The following MYSM1 variants were observed in gnomAD, a reference collection of about 807,000 sequenced individuals.
MYSM1 encodes Myb like, SWIRM and MPN domains 1.
In MYSM1, 51 loss-of-function variants were observed where a neutral mutation model predicts 116.0. The ratio of observed to expected loss-of-function variants is 0.44; its 90% CI spans 0.35 to 0.56. The LOEUF is 0.56. Ranked by LOEUF, MYSM1 falls within the 20% of genes least tolerant of loss-of-function variation. The pLI is 0.00. For synonymous variants in MYSM1, 313 were observed against 315.2 expected (o/e 0.99, Z 0.07); for missense variants, 900 against 974.9 (o/e 0.92, Z 1.02).
chr1:58,693,242 G>A (rs890383813), intron 2 of MYSM1, among the ~76,000 whole-genome samples: 1 of 152,100 alleles, frequency 6.6e-6, no homozygotes, highest in Non-Finnish European at 1.5e-5. Flanking sequence ...TCATTTGTTA[G>A]GCATCAGACA....
intron 17 of MYSM1, among the ~76,000 whole-genome samples, chr1:58,662,704 A>G (rs867057842): frequency 1.3e-5 from 2 of 152,162 alleles, no homozygotes; most frequent in African/African-American, 4.8e-5. Context: ...ACAATGAAAT[A>G]AAGCATAGCT....
intron 17 of MYSM1, among the ~76,000 whole-genome samples, chr1:58,662,190 T>C (rs1644402516): frequency 6.6e-6 from 1 of 152,010 alleles, no homozygotes; most frequent in Non-Finnish European, 1.5e-5. Context: ...GTTGTTATAC[T>C]AAACTCTGGA....
rs76898383 is a variant in MYSM1, at chr1:58,676,765, C to G, written c.1390+161G>C. 3.1e-4 allele frequency: 188 copies of G among 608,818 alleles called. 1 individual carries two copies. In the East Asian group the frequency reaches 7.0e-3, roughly 23 times the overall value. The allele number at this position is 608,818 out of a possible 1,614,324, so 37.7% of individuals were successfully genotyped here. A position where few individuals can be genotyped will look rare whatever the true frequency, so the allele number is the denominator to read the frequency against. ...TAGGTCAAATGAAAACACAGTTTAA[C>G]CAACAGTAAAATCTTAATAAAACAT... On this transcript the variant is annotated intron_variant, in intron 9 of 19. Coordinates refer to ENST00000472487, the MANE Select transcript of MYSM1 (RefSeq NM_001085487.3).
At chr1:58,695,345 T>G (rs1644959424) in intron 1 of MYSM1, 138 bp from the exon 2 acceptor site, 1 of 541,192 alleles carries the variant, frequency 1.8e-6, no homozygotes, top group Non-Finnish European at 3.3e-6. Flanking sequence ...CAAACAGATT[T>G]AACATTGTGG....
At position 58,668,973 on chromosome 1, in the gene MYSM1, A is replaced by G. The variant is rs572667361; in HGVS notation, c.1716+11T>C. On this transcript the variant is annotated intron_variant, in intron 13 of 19. Transcript: ENST00000472487. ...ATTGTCTACTGTCATTCATTAATGC[A>G]TAAATAGTACCTGCTTTTCTTCACT... 1.4e-5 allele frequency: 23 copies of G among 1,594,702 alleles called. No individual in the cohort carries two copies. In the Admixed American group the frequency reaches 2.3e-4, roughly 16 times the overall value.
At chr1:58,695,514 T>C (rs1448708240) in intron 1 of MYSM1, among the ~76,000 whole-genome samples, 4 of 152,182 alleles carry the variant, frequency 2.6e-5, no homozygotes, top group South Asian at 2.1e-4. Flanking sequence ...AATCACAACA[T>C]GCTCTGTGAC....
At position 58,655,135 on chromosome 1, in the gene MYSM1, C is replaced by A. The variant is rs1008801591; in HGVS notation, c.*4862G>T. 1.4e-4 allele frequency: 21 copies of A among 152,144 alleles called. No individual in the cohort carries two copies. The highest frequency in any genetic ancestry group is 1.9e-4 in the Non-Finnish European group (13 of 68,010). The allele number at this position is 152,144 out of a possible 1,614,324, so 9.4% of individuals were successfully genotyped here. A position where few individuals can be genotyped will look rare whatever the true frequency, so the allele number is the denominator to read the frequency against. On this transcript the variant is annotated 3_prime_UTR_variant, in exon 20 of 20. Coordinates refer to ENST00000472487, the MANE Select transcript of MYSM1 (RefSeq NM_001085487.3). ...ACAACACATAATTTACATGTCAAAT[C>A]CACAAATCTAAAAGATATATGACTA...
At position 58,673,555 on chromosome 1, in the gene MYSM1, T is replaced by C. The variant is rs1644596536; in HGVS notation, c.1572+18A>G. On this transcript the variant is annotated intron_variant, in intron 11 of 19. Transcript: ENST00000472487. The stretch of plus-strand genomic sequence containing the variant: ...AAACCAGTTTTCATGGATGAGCCAT[T>C]TGAAAGGTCAAAGTTACCTCAAACG... 6.2e-7 allele frequency: 1 copy of C among 1,610,408 alleles called. No homozygotes were observed. The highest frequency in any genetic ancestry group is 1.3e-5 in the African/African-American group (1 of 74,864).
Position 58,682,537 on chromosome 1 carries a change from G to T in MYSM1, c.507C>A (p.Cys169Ter). ...GATTTGGTGTTTCTTTATCCAGACC[G>T]CATTTGACCTTATTAAAAATCAAAA... is the stretch of plus-strand genomic sequence containing the variant. Reference protein sequence around the residue: ...ARQYFKNKVKCGLDKETPNQK... With the variant: ...ARQYFKNKVK Residue 169 changes from cysteine (C) to a stop codon, truncating the protein, a stop_gained, in exon 8 of 20, where the codon TGC becomes TGA. Transcript: ENST00000472487. LOFTEE classifies it high-confidence loss of function. 1 of 1,566,588 alleles carries T rather than the reference G, an allele frequency of 6.4e-7. No individual in the cohort carries two copies. The highest frequency in any genetic ancestry group is 8.6e-7 in the Non-Finnish European group (1 of 1,160,510).
chr1:58,665,177 A>G (rs998337529), intron 17 of MYSM1, among the ~76,000 whole-genome samples: 2 of 152,198 alleles, frequency 1.3e-5, no homozygotes, highest in Admixed American at 1.3e-4. Flanking sequence ...TTTATAAAAA[A>G]ATTTTCATGA....
intron 6 of MYSM1, among the ~76,000 whole-genome samples, chr1:58,688,289 T>C (rs1644857394): frequency 6.6e-6 from 1 of 151,820 alleles, no homozygotes; most frequent in South Asian, 2.1e-4. Flanking sequence ...TTAGCATACA[T>C]AAATTTTATA....
intron 1 of MYSM1, among the ~76,000 whole-genome samples, chr1:58,698,673 T>A (rs1013550589): frequency 6.6e-6 from 1 of 152,218 alleles, no homozygotes; most frequent in Non-Finnish European, 1.5e-5. Flanking sequence ...CAGATAAGTA[T>A]CCCTGCCAAC....
rs1429670727 is a variant in MYSM1 at position 58,689,132 on chromosome 1, G to T, written c.321-16C>A. 6.3e-7 allele frequency: 1 copy of T among 1,577,572 alleles called. No individual in the cohort carries two copies. The highest frequency in any genetic ancestry group is 1.4e-5 in the African/African-American group (1 of 72,294). ...AGAGTGTACCCTGAGGGGAAAAAAA[G>T]GAATTGCAAAAAAAATTTCTGAAAT... On this transcript the variant is annotated splice_polypyrimidine_tract_variant and intron_variant, in intron 5 of 19. Transcript: ENST00000472487.
intron 16 of MYSM1, 68 bp from the exon 17 acceptor site, chr1:58,665,699 T>C (rs1644457282): frequency 9.1e-7 from 1 of 1,098,786 alleles, no homozygotes; most frequent in Non-Finnish European, 1.3e-6. Context: ...TTATCCATAC[T>C]AACATTTTAA....
chr1:58,662,847 G>C (rs939526947), intron 17 of MYSM1, among the ~76,000 whole-genome samples: 1 of 152,078 alleles, frequency 6.6e-6, no homozygotes, highest in Admixed American at 6.6e-5. Flanking sequence ...CTTAAGAAGA[G>C]TGACACACTA....
intron 4 of MYSM1, 25 bp downstream of exon 4, chr1:58,690,315 T>C (rs755055846): frequency 1.9e-6 from 3 of 1,590,072 alleles, no homozygotes; most frequent in East Asian, 2.2e-5. Flanking sequence ...TCCAGACTTT[T>C]AGAAATATTA....
intron 1 of MYSM1, 145 bp downstream of exon 1, chr1:58,699,840 G>GTGCC: frequency 7.0e-7 from 1 of 1,419,862 alleles, no homozygotes; most frequent in Non-Finnish European, 9.2e-7. Flanking sequence ...GGCGGGCGAG[G>GTGCC]TGCCTCCCAG....
intron 18 of MYSM1, 22 bp from the exon 19 acceptor site, chr1:58,661,249 C>T (rs187227392): frequency 6.9e-6 from 11 of 1,597,582 alleles, no homozygotes; most frequent in Admixed American, 1.7e-5. Context: ...AATATGAAAA[C>T]AAACTGGTGA....
intron 8 of MYSM1, among the ~76,000 whole-genome samples, chr1:58,680,174 A>T (rs1322508009): frequency 6.6e-6 from 1 of 152,174 alleles, no homozygotes; most frequent in Non-Finnish European, 1.5e-5. Context: ...ATAGAAATCT[A>T]ATTTAACTAG....
Sources: gnomAD v4.1 joint callset for allele counts (sites outside exome capture counted in the v4.1 genomes callset) on GRCh38, gnomAD v4.1.1 for gene constraint, MANE v1.5 for transcripts, NCBI Gene and HGNC (gene_info 2026-07-23, HGNC 2026-07-21) for gene names.